BMPR2: variants seen among roughly 807,000 people sequenced by gnomAD.
BMPR2 encodes bone morphogenetic protein receptor type 2.
Under a neutral mutation model 100.8 loss-of-function variants are expected in BMPR2, and 29 were observed. That is an observed-to-expected ratio of 0.29 (90% CI 0.21 to 0.39). The LOEUF is 0.39. Ranked by LOEUF, BMPR2 falls within the 10% of genes least tolerant of loss-of-function variation. The pLI, the probability that BMPR2 is intolerant of heterozygous loss-of-function variation, is 1.00. For missense variants in BMPR2, 1,011 were observed against 1,274.5 expected (o/e 0.79, Z 3.15); for synonymous variants, 382 against 442.3 (o/e 0.86, Z 1.71).
intron 1 of BMPR2, among the ~76,000 whole-genome samples, chr2:202,378,203 C>A (rs755652668): frequency 1.3e-5 from 2 of 152,212 alleles, no homozygotes; most frequent in Non-Finnish European, 1.5e-5. Flanking sequence ...CATTAGACTT[C>A]TAGGAGATTT....
At chr2:202,558,608 G>C (rs559251789) in intron 12 of BMPR2, among the ~76,000 whole-genome samples, 1 of 152,136 alleles carries the variant, frequency 6.6e-6, no homozygotes, top group East Asian at 2.0e-4. Flanking sequence ...CATCGTGTCA[G>C]ATAGGCCAGG....
chr2:202,558,892 CAAAA>C (rs538329842), intron 12 of BMPR2, among the ~76,000 whole-genome samples: 1 of 81,460 alleles, frequency 1.2e-5, no homozygotes, highest in Non-Finnish European at 2.3e-5. Context: ...AACTCCATCT[CAAAA>C]AAAAAAAAAA....
chr2:202,486,528 C>T (rs570465667), intron 3 of BMPR2, among the ~76,000 whole-genome samples: 5 of 147,762 alleles, frequency 3.4e-5, no homozygotes, highest in South Asian at 2.2e-4. Context: ...GCTACTCAGG[C>T]GGCTACAGCA....
intron 7 of BMPR2, among the ~76,000 whole-genome samples, chr2:202,521,482 G>C (rs866723155): frequency 1.3e-5 from 2 of 151,926 alleles, no homozygotes; most frequent in Non-Finnish European, 2.9e-5. Context: ...TGGGAGGATT[G>C]TTTGAGCCTG....
chr2:202,533,551 G>A (rs567529354), intron 9 of BMPR2, among the ~76,000 whole-genome samples: 8 of 151,958 alleles, frequency 5.3e-5, no homozygotes, highest in East Asian at 3.9e-4. Context: ...AAGGCCTGGC[G>A]CGGTGGCTTA....
chr2:202,546,868 C>T (rs1688384987), intron 10 of BMPR2, among the ~76,000 whole-genome samples: 1 of 152,150 alleles, frequency 6.6e-6, no homozygotes, highest in South Asian at 2.1e-4. Flanking sequence ...TCCCGGAGTG[C>T]TGGGATTACA....
chr2:202,402,648 T>TTG (rs113771026), intron 1 of BMPR2, among the ~76,000 whole-genome samples: 27,120 of 146,270 alleles, frequency 0.19, 2,992 homozygotes, highest in African/African-American at 0.32. Flanking sequence ...AAAACTTGCA[T>TTG]TGTGTGTGTG....
chr2:202,384,745 T>G (rs766000928), intron 1 of BMPR2, among the ~76,000 whole-genome samples: 27 of 151,668 alleles, frequency 1.8e-4, no homozygotes, highest in Non-Finnish European at 2.9e-5. Context: ...AGGCATGCAC[T>G]ACCACACCCA....
chr2:202,501,527 A>C (rs1402993825), intron 3 of BMPR2, among the ~76,000 whole-genome samples: 1 of 152,206 alleles, frequency 6.6e-6, no homozygotes, highest in Non-Finnish European at 1.5e-5. Flanking sequence ...CCTTACTCAG[A>C]CTCGTGGGAC....
chr2:202,439,392 T>C (rs902683316), intron 1 of BMPR2, among the ~76,000 whole-genome samples: 6 of 147,548 alleles, frequency 4.1e-5, no homozygotes, highest in Admixed American at 4.0e-4. Context: ...ACAAGCAAAT[T>C]TGGATTTTGT....
At chr2:202,520,492 T>A in intron 7 of BMPR2, 1 of 425,706 alleles carries the variant, frequency 2.3e-6, no homozygotes, top group Non-Finnish European at 4.3e-6. Context: ...TCATGTCCTG[T>A]GAGGACATCA....
chr2:202,402,835 T>G (rs1420556427), intron 1 of BMPR2, among the ~76,000 whole-genome samples: 1 of 151,624 alleles, frequency 6.6e-6, no homozygotes, highest in Non-Finnish European at 1.5e-5. Flanking sequence ...TGCTAATTTT[T>G]TTTTTTTTTT....
intron 3 of BMPR2, among the ~76,000 whole-genome samples, chr2:202,497,819 G>C (rs1419539621): frequency 6.6e-6 from 1 of 152,032 alleles, no homozygotes; most frequent in Non-Finnish European, 1.5e-5. Context: ...TCTCCTATAA[G>C]AATGATTTCT....
At chr2:202,488,299 A>G (rs896252749) in intron 3 of BMPR2, among the ~76,000 whole-genome samples, 10 of 152,226 alleles carry the variant, frequency 6.6e-5, no homozygotes, top group Non-Finnish European at 1.2e-4. Context: ...AAGTGCTGAC[A>G]GTATTATAAA....
intron 2 of BMPR2, 127 bp downstream of exon 2, chr2:202,465,106 C>T: frequency 2.4e-6 from 3 of 1,247,914 alleles, no homozygotes; most frequent in Non-Finnish European, 3.4e-6. Flanking sequence ...ATATATAAAG[C>T]CAGGTGTGGT....
chr2:202,420,180 T>A (rs1691228453), intron 1 of BMPR2, among the ~76,000 whole-genome samples: 1 of 152,024 alleles, frequency 6.6e-6, no homozygotes, highest in Non-Finnish European at 1.5e-5. Context: ...GAAATTAGGA[T>A]GTATCTAACA....
chr2:202,440,737 G>A (rs1474528597), intron 1 of BMPR2, among the ~76,000 whole-genome samples: 3 of 150,422 alleles, frequency 2.0e-5, no homozygotes, highest in African/African-American at 7.5e-5. Flanking sequence ...AGTGAGCCGA[G>A]ATGGTGGCAG....
chr2:202,494,405 C>T (rs2105984616), intron 3 of BMPR2, among the ~76,000 whole-genome samples: 1 of 152,336 alleles, frequency 6.6e-6, no homozygotes, highest in South Asian at 2.1e-4. Context: ...TTGACACAGA[C>T]CCAGACAAAA....
intron 3 of BMPR2, among the ~76,000 whole-genome samples, chr2:202,479,052 T>C (rs1356278118): frequency 6.6e-6 from 1 of 152,190 alleles, no homozygotes; most frequent in African/African-American, 2.4e-5. Flanking sequence ...ATCCTGTCCT[T>C]CTGAATGTGA....
Sources: gnomAD v4.1 joint callset for allele counts (sites outside exome capture counted in the v4.1 genomes callset) on GRCh38, gnomAD v4.1.1 for gene constraint, MANE v1.5 for transcripts, NCBI Gene and HGNC (gene_info 2026-07-23, HGNC 2026-07-21) for gene names.